TRHDE: variants seen among roughly 807,000 people sequenced by gnomAD.
TRHDE encodes thyrotropin-releasing hormone-degrading ectoenzyme.
In TRHDE, 72 loss-of-function variants were observed where a neutral mutation model predicts 125.7. The observed-to-expected ratio is 0.57, with a 90% CI of 0.47 to 0.70. The LOEUF (loss-of-function observed/expected upper bound fraction) is 0.70, where lower values mean the gene tolerates loss of function less well. Among genes scored for constraint, TRHDE ranks in the 30% least tolerant of loss-of-function variants. The pLI is 0.00. For synonymous variants in TRHDE, 509 were observed against 509.1 expected (o/e 1.00, Z 0.00); for missense variants, 1,110 against 1,327.1 (o/e 0.84, Z 2.54).
At chr12:72,648,989 T>C (rs1233016903) in intron 15 of TRHDE, among the ~76,000 whole-genome samples, 4 of 152,128 alleles carry the variant, frequency 2.6e-5, no homozygotes. Flanking sequence ...AATCTACAGA[T>C]TTAATGCAAT....
At chr12:72,307,335 T>TA (rs1868359012) in intron 2 of TRHDE, among the ~76,000 whole-genome samples, 1 of 151,424 alleles carries the variant, frequency 6.6e-6, no homozygotes, top group Non-Finnish European at 1.5e-5. Flanking sequence ...CAGCTATTTT[T>TA]TTTTTTTTTT....
intron 2 of TRHDE, among the ~76,000 whole-genome samples, chr12:72,309,112 C>A (rs1295479750): frequency 6.6e-6 from 1 of 152,112 alleles, no homozygotes; most frequent in Non-Finnish European, 1.5e-5. Flanking sequence ...TTCCATCGCC[C>A]CCAGAAGTTT....
chr12:72,390,658 T>A (rs1238709064), intron 3 of TRHDE, among the ~76,000 whole-genome samples: 2 of 152,228 alleles, frequency 1.3e-5, no homozygotes, highest in Non-Finnish European at 2.9e-5. Context: ...GTAACAGTGT[T>A]CTTTATCCAG....
chr12:72,381,687 C>T (rs1167049389), intron 3 of TRHDE, among the ~76,000 whole-genome samples: 1 of 152,122 alleles, frequency 6.6e-6, no homozygotes, highest in South Asian at 2.1e-4. Context: ...TGAGCCACCG[C>T]GCCCGGCCGA....
chr12:72,350,203 A>T (rs1465434603), intron 2 of TRHDE, among the ~76,000 whole-genome samples: 2 of 151,962 alleles, frequency 1.3e-5, no homozygotes, highest in African/African-American at 4.8e-5. Flanking sequence ...TTGCTTTATG[A>T]TGTATTCAAT....
intron 14 of TRHDE, 117 bp downstream of exon 14, chr12:72,621,322 A>G: frequency 4.1e-6 from 3 of 727,002 alleles, no homozygotes. Context: ...TTCATCTTAC[A>G]TTTCACTTTC....
intron 2 of TRHDE, among the ~76,000 whole-genome samples, chr12:72,370,423 G>A (rs1871524346): frequency 6.6e-6 from 1 of 152,120 alleles, no homozygotes; most frequent in Non-Finnish European, 1.5e-5. Flanking sequence ...ACCTAATTCT[G>A]ATCATGTCAT....
At chr12:72,639,790 G>A (rs1873956773) in intron 15 of TRHDE, among the ~76,000 whole-genome samples, 1 of 152,140 alleles carries the variant, frequency 6.6e-6, no homozygotes, top group Admixed American at 6.5e-5. Context: ...CCCTGCTAGG[G>A]GGTGCCTCCC....
intron 3 of TRHDE, among the ~76,000 whole-genome samples, chr12:72,413,522 AG>A (rs1707151418): frequency 2.0e-5 from 3 of 151,804 alleles, no homozygotes; most frequent in East Asian, 1.9e-4. Context: ...AATTATTATT[AG>A]CTCTACCTAT....
intron 2 of TRHDE, among the ~76,000 whole-genome samples, chr12:72,243,509 A>AT (rs1170952892): frequency 6.6e-6 from 1 of 152,180 alleles, no homozygotes; most frequent in Non-Finnish European, 1.5e-5. Flanking sequence ...TTTGTTAATA[A>AT]TTTTTATATT....
intron 5 of TRHDE, among the ~76,000 whole-genome samples, chr12:72,497,234 A>G (rs544742011): frequency 6.6e-6 from 1 of 152,262 alleles, no homozygotes; most frequent in East Asian, 1.9e-4. Flanking sequence ...CTCCAGAAGC[A>G]TGAGGCAGTA....
intron 3 of TRHDE, among the ~76,000 whole-genome samples, chr12:72,397,008 G>A (rs527493141): frequency 2.0e-4 from 31 of 152,190 alleles, no homozygotes; most frequent in Middle Eastern, 6.8e-3. Flanking sequence ...ATATCTTCAC[G>A]TCCGACCTCT....
intron 2 of TRHDE, among the ~76,000 whole-genome samples, chr12:72,372,185 GTCT>G (rs1871630047): frequency 6.6e-6 from 1 of 152,054 alleles, no homozygotes; most frequent in South Asian, 2.1e-4. Context: ...CTGCATAAAT[GTCT>G]TCTTTTGAGA....
chr12:72,486,467 C>T (rs1877412454), intron 5 of TRHDE, among the ~76,000 whole-genome samples: 1 of 152,144 alleles, frequency 6.6e-6, no homozygotes, highest in Non-Finnish European at 1.5e-5. Context: ...CCCTAAAGCC[C>T]TTGCACTAAT....
chr12:72,126,870 G>A (rs903266202), intron 2 of TRHDE, among the ~76,000 whole-genome samples: 3 of 152,140 alleles, frequency 2.0e-5, no homozygotes, highest in South Asian at 2.1e-4. Context: ...AAACTAAAGA[G>A]CTTCTGCACA....
intron 6 of TRHDE, among the ~76,000 whole-genome samples, chr12:72,530,737 A>G (rs997589): frequency 0.062 from 9,323 of 151,220 alleles, 978 homozygotes; most frequent in African/African-American, 0.21. Flanking sequence ...CTCCATGTCA[A>G]TTTATTAAAG....
rs138640156 is a variant in TRHDE, at chr12:72,285,635, C to T, written c.915-1046C>T. ...TCCCGAGTTCAAGTGATTCTCCTGC[C>T]TCAGCCTTCCGAATAACTGGGACTA... On this transcript the variant is annotated intron_variant, in intron 1 of 18. Coordinates refer to ENST00000261180, the MANE Select transcript of TRHDE (RefSeq NM_013381.3). Among the ~76,000 whole-genome samples, 726 of 151,680 alleles carry T rather than the reference C, an allele frequency of 4.8e-3. 5 individuals are homozygous for T. The highest frequency in any genetic ancestry group is 0.016 in the African/African-American group (666 of 41,306).
chr12:72,119,644 G>T (rs1875529613), intron 2 of TRHDE, among the ~76,000 whole-genome samples: 1 of 152,142 alleles, frequency 6.6e-6, no homozygotes, highest in African/African-American at 2.4e-5. Flanking sequence ...GAAGTTTCTA[G>T]CTATTATTGT....
chr12:72,249,388 A>T (rs1878636044), intron 2 of TRHDE, among the ~76,000 whole-genome samples: 1 of 152,196 alleles, frequency 6.6e-6, no homozygotes, highest in Non-Finnish European at 1.5e-5. Context: ...GCATAACTTC[A>T]CAAAAGAAAA....
Sources: allele counts gnomAD v4.1 joint callset (sites outside exome capture counted in the v4.1 genomes callset), GRCh38; gene constraint gnomAD v4.1.1; transcripts MANE v1.5; gene names NCBI Gene and HGNC (gene_info 2026-07-23, HGNC 2026-07-21).